NFKBIZ: variants seen among roughly 807,000 people sequenced by gnomAD.
NFKBIZ encodes the protein NF-kappa-B inhibitor zeta.
Under a neutral mutation model 76.8 loss-of-function variants are expected in NFKBIZ, and 19 were observed. That is an observed-to-expected ratio of 0.25 (90% CI 0.17 to 0.36). The LOEUF (loss-of-function observed/expected upper bound fraction) is 0.36, where lower values mean the gene tolerates loss of function less well. Among genes scored for constraint, NFKBIZ ranks in the 10% least tolerant of loss-of-function variants. The pLI, the probability that NFKBIZ is intolerant of heterozygous loss-of-function variation, is 1.00. For missense variants in NFKBIZ, 829 were observed against 910.9 expected (o/e 0.91, Z 1.16); for synonymous variants, 368 against 354.8 (o/e 1.04, Z -0.42).
chr3:101,855,762 G>T lies in NFKBIZ; in HGVS notation c.1684G>T (p.Ala562Ser). The T allele has an allele frequency of 6.2e-7, 1 of 1,611,824 alleles. No individual in the cohort carries two copies. Among genetic ancestry groups the T allele is most frequent in the Non-Finnish European group, 8.5e-7 (1 of 1,179,278 alleles). The change falls in exon 9 of 12, where the codon GCC becomes TCC. Residue 562 changes from alanine (A) to serine (S), a missense_variant. Ala to Ser is a moderately conservative substitution (Grantham distance 99). This residue lies in a region of NFKBIZ where 272 missense variants were observed against 384.2 expected (regional missense o/e 0.71). Coordinates refer to ENST00000326172, the MANE Select transcript of NFKBIZ (RefSeq NM_031419.4). Reference protein sequence around the residue: ...GLTPLHCAVIAHNAVVHELQR... With the variant: ...GLTPLHCAVISHNAVVHELQR... ...GACTCCCCTTCACTGTGCAGTCATA[G>T]CCCACAATGCTGTGGTCCATGAACT...
Position 101,859,664 on chromosome 3 carries a change from C to T in NFKBIZ, c.*293C>T. 1 of 238,432 alleles carries T rather than the reference C, an allele frequency of 4.2e-6. No individual in the cohort carries two copies. The highest frequency in any genetic ancestry group is 9.5e-5 in the South Asian group (1 of 10,568). 14.8% of individuals were successfully genotyped at this position (238,432 alleles called of 1,614,324 possible). ...ACAGTAGCTTTTGAGTAGGAAAGGACTTTGATTTGTGGCACAAAACATTAT... is the reference window on the plus strand; with the variant it reads ...ACAGTAGCTTTTGAGTAGGAAAGGATTTTGATTTGTGGCACAAAACATTAT... On this transcript the variant is annotated 3_prime_UTR_variant, in exon 12 of 12. Coordinates refer to ENST00000326172, the MANE Select transcript of NFKBIZ (RefSeq NM_031419.4).
At chr3:101,854,829 A>T (rs1943025453) in intron 6 of NFKBIZ, 146 bp downstream of exon 6, 1 of 756,312 alleles carries the variant, frequency 1.3e-6, no homozygotes, top group African/African-American at 1.8e-5. Flanking sequence ...TTTTGCTACC[A>T]TCAACCTTGA....
chr3:101,844,524 T>A (rs1942825624), upstream of NFKBIZ, among the ~76,000 whole-genome samples: 1 of 152,228 alleles, frequency 6.6e-6, no homozygotes, highest in Non-Finnish European at 1.5e-5. Context: ...AATGATGAGA[T>A]TCGAAAAGTT....
At chr3:101,835,756 A>C (rs1352214671) in intron 2 of NFKBIZ, among the ~76,000 whole-genome samples, 1 of 152,182 alleles carries the variant, frequency 6.6e-6, no homozygotes, top group Non-Finnish European at 1.5e-5. Flanking sequence ...TAGGACTTCA[A>C]CATGTGAATT....
intron 11 of NFKBIZ, chr3:101,858,393 T>A: frequency 1.0e-6 from 1 of 985,036 alleles, no homozygotes; most frequent in Non-Finnish European, 1.2e-6. Context: ...AAAATTGATA[T>A]TCAGAGAGGT....
At position 101,857,184 on chromosome 3, in the gene NFKBIZ, G is replaced by GTACTTTTAGAAAGCTTTAATAAC. The variant is rs1278150869; in HGVS notation, c.1935+4_1935+5insTTTTAGAAAGCTTTAATAACTAC. The GTACTTTTAGAAAGCTTTAATAAC allele has an allele frequency of 4.9e-5, 11 of 224,822 alleles. No individual in the cohort carries two copies. In the African/African-American group the frequency reaches 2.7e-3, roughly 55 times the overall value. 13.9% of individuals were successfully genotyped at this position (224,822 alleles called of 1,614,324 possible). ...TTGCCTGTCTTTTGTGAATGCAAAG[G>GTACTTTTAGAAAGCTTTAATAAC]TACACCAGAGTTGGAATGGCCTTCT... is the stretch of plus-strand genomic sequence containing the variant. On this transcript the variant is annotated splice_donor_variant, in intron 10 of 11. Transcript: ENST00000326172. LOFTEE classifies it high-confidence loss of function.
chr3:101,841,025 G>A (rs1053437377), intron 2 of NFKBIZ, among the ~76,000 whole-genome samples: 4 of 152,174 alleles, frequency 2.6e-5, no homozygotes, highest in African/African-American at 9.7e-5. Context: ...ACTTAACGGG[G>A]TATCAAGTTT....
intron 2 of NFKBIZ, 44 bp downstream of exon 2, chr3:101,852,268 G>A (rs753623220): frequency 1.2e-6 from 2 of 1,600,116 alleles, no homozygotes; most frequent in Non-Finnish European, 1.7e-6. Flanking sequence ...TGGGGAGAGG[G>A]GTTAGTCTGT....
intron 11 of NFKBIZ, 75 bp from the exon 12 acceptor site, chr3:101,859,243 A>G: frequency 1.7e-6 from 2 of 1,148,086 alleles, no homozygotes; most frequent in Admixed American, 1.7e-5. Flanking sequence ...TAAGAAAGGA[A>G]TGAAACTCAG....
Position 101,829,879 on chromosome 3 carries a change from T to TTGTGTG in NFKBIZ, c.-12+208_-12+213dup, listed in dbSNP as rs71132601. On this transcript the variant is annotated intron_variant, in intron 2 of 12. Coordinates refer to the NFKBIZ transcript ENST00000394054. ...GTGATTTCATGAGAACTAAGATTTT[T>TTGTGTG]TGTGTGTGTGTGTGTGTGTGTGGTT... 1.1e-4 allele frequency among the ~76,000 whole-genome samples: 17 copies of TTGTGTG among 150,394 alleles called. No individual in the cohort carries two copies. In the South Asian group the frequency reaches 3.3e-3, roughly 30 times the overall value.
intron 2 of NFKBIZ, among the ~76,000 whole-genome samples, chr3:101,835,553 TTGTACA>T (rs1942708599): frequency 6.6e-6 from 1 of 152,218 alleles, no homozygotes; most frequent in Non-Finnish European, 1.5e-5. Context: ...CTCTCCTGAC[TTGTACA>T]TGGCCGCCTT....
chr3:101,835,879 A>G (rs1239275970), intron 2 of NFKBIZ, among the ~76,000 whole-genome samples: 1 of 152,170 alleles, frequency 6.6e-6, no homozygotes, highest in African/African-American at 2.4e-5. Context: ...ATAAGGTCCA[A>G]TTGTGGTTCA....
At chr3:101,855,952 A>G (rs1170027340) in intron 9 of NFKBIZ, 50 bp downstream of exon 9, 1 of 1,488,262 alleles carries the variant, frequency 6.7e-7, no homozygotes, top group East Asian at 2.3e-5. Context: ...AACTGGTTAT[A>G]TAGCAAAAGA....
At position 101,849,734 on chromosome 3, in the gene NFKBIZ, T is replaced by G. The variant is rs1326436559; in HGVS notation, c.106T>G (p.Tyr36Asp). ...CAGCCCGCTCAACCTGAGCTACTTC[T>G]ACGGCGCGTCGCCGCCCGCCGCCGC... ...MTSPLNLSYF[Y>D]GASPPAAAPG... The change falls in exon 1 of 12, where the codon TAC becomes GAC. Residue 36 changes from tyrosine (Y) to aspartate (D), a missense_variant. Physicochemically the swap from Tyr to Asp is radical, Grantham distance 160. This residue lies in a region of NFKBIZ where 181 missense variants were observed against 175.3 expected (regional missense o/e 1.03). Coordinates refer to ENST00000326172, the MANE Select transcript of NFKBIZ (RefSeq NM_031419.4). 6.9e-7 allele frequency: 1 copy of G among 1,448,816 alleles called. No homozygotes were observed. Among genetic ancestry groups the G allele is most frequent in the Non-Finnish European group, 9.0e-7 (1 of 1,105,624 alleles). The allele number at this position is 1,448,816 out of a possible 1,614,324, so 89.7% of individuals were successfully genotyped here. A position where few individuals can be genotyped will look rare whatever the true frequency, so the allele number is the denominator to read the frequency against.
chr3:101,847,969 C>T (rs779838014), upstream of NFKBIZ, among the ~76,000 whole-genome samples: 1 of 152,216 alleles, frequency 6.6e-6, no homozygotes, highest in African/African-American at 2.4e-5. Context: ...GACTGGGGAC[C>T]CTTTCATTTC....
In NFKBIZ at chr3:101,849,693, G is replaced by A. The variant is rs1485123970; in HGVS notation, c.65G>A (p.Gly22Asp). ...GGEGLRDAAG[G>D]CGLMTSPLNL... is the part of the protein sequence containing the mutation. The stretch of plus-strand genomic sequence containing the variant: ...GAGGGGCTGCGGGACGCGGCGGGCG[G>A]CTGCGGCCTCATGACCAGCCCGCTC... Residue 22 changes from glycine to aspartate, a missense_variant, in exon 1 of 12, where the codon GGC (glycine) becomes GAC (aspartate). Coordinates refer to ENST00000326172, the MANE Select transcript of NFKBIZ (RefSeq NM_031419.4). 2 of 1,396,604 alleles carry A rather than the reference G, an allele frequency of 1.4e-6. No individual in the cohort carries two copies. Among genetic ancestry groups the A allele is most frequent in the Non-Finnish European group, 9.2e-7 (1 of 1,082,750 alleles). The allele number at this position is 1,396,604 out of a possible 1,614,324, so 86.5% of individuals were successfully genotyped here.
In NFKBIZ at chr3:101,842,269, C is replaced by G. The variant is rs139725780; in HGVS notation, c.-11-9816C>G. Among the ~76,000 whole-genome samples, 343 of 152,250 alleles carry G rather than the reference C, an allele frequency of 2.3e-3. 1 individual carries two copies. The highest frequency in any genetic ancestry group is 3.0e-3 in the Admixed American group (46 of 15,294). On this transcript the variant is annotated intron_variant, in intron 2 of 12. Coordinates refer to the NFKBIZ transcript ENST00000394054. The stretch of plus-strand genomic sequence containing the variant: ...GTTGAGGAAGAGGAGAGAAGAACAG[C>G]AAGAGCAAAGTCTCAGAGCTGTGGG...
chr3:101,835,511 A>C (rs748165756), intron 2 of NFKBIZ, among the ~76,000 whole-genome samples: 1 of 152,158 alleles, frequency 6.6e-6, no homozygotes, highest in Non-Finnish European at 1.5e-5. Context: ...GTTCAAGATA[A>C]GGTGTTGGCA....
chr3:101,857,250 T>TCC (rs768091564), intron 10 of NFKBIZ, 42 bp from the exon 11 acceptor site: 1 of 1,612,482 alleles, frequency 6.2e-7, no homozygotes, highest in Non-Finnish European at 8.5e-7. Flanking sequence ...TCATGAAATT[T>TCC]CCCCCTTCCT....
Sources: gnomAD v4.1 joint callset for allele counts (sites outside exome capture counted in the v4.1 genomes callset) on GRCh38, gnomAD v4.1.1 for gene constraint, gnomAD v4.1.1 regional missense constraint, MANE v1.5 for transcripts, NCBI Gene and HGNC (gene_info 2026-07-23, HGNC 2026-07-21) for gene names.